The following SMARCAD1 variants were observed in gnomAD, a reference collection of about 807,000 sequenced individuals.
SMARCAD1 encodes the protein SWI/SNF-related matrix-associated actin-dependent regulator of chromatin subfamily A containing DEAD/H box 1.
A neutral mutation model predicts 127.1 loss-of-function variants in SMARCAD1; 25 were observed. That is an observed-to-expected ratio of 0.20 (90% CI 0.14 to 0.27). The LOEUF (loss-of-function observed/expected upper bound fraction) is 0.27. Ranked by LOEUF, SMARCAD1 falls within the 10% of genes least tolerant of loss-of-function variation. The pLI, the probability that SMARCAD1 is intolerant of heterozygous loss-of-function variation, is 1.00. For missense variants in SMARCAD1, 807 were observed against 1,206.0 expected, an observed-to-expected ratio of 0.67 and a Z score of 4.90; for synonymous variants, 400 against 396.9, an observed-to-expected ratio of 1.01 and a Z score of -0.09.
At chr4:94,232,745 G>A (rs889133322) in intron 3 of SMARCAD1, among the ~76,000 whole-genome samples, 2 of 152,168 alleles carry the variant, frequency 1.3e-5, no homozygotes, top group African/African-American at 4.8e-5. Context: ...TTGAGCCTAG[G>A]AGTTCAAGAC....
chr4:94,278,703 A>G lies in SMARCAD1; in HGVS notation c.2266A>G (p.Asn756Asp), dbSNP rs1001956167. The change falls in exon 18 of 24, where the codon AAC (asparagine) becomes GAC (aspartate). Residue 756 changes from asparagine to aspartate, a missense_variant. Physicochemically the swap from Asn to Asp is conservative, Grantham distance 23. Around this residue, in one of 8 missense-constraint regions of SMARCAD1, gnomAD observed 99 missense variants for 126.0 expected, o/e 0.79. Coordinates refer to ENST00000354268, the MANE Select transcript of SMARCAD1 (RefSeq NM_020159.5). ...GGAGCAACTCTATTTGGGTCTTTTC[A>G]ACAGATTGAAAAAATCTATCAATAA... is the stretch of plus-strand genomic sequence containing the variant. ...KQEQLYLGLF[N>D]RLKKSINNLE... is the part of the protein sequence containing the mutation. The G allele has an allele frequency of 1.2e-6, 2 of 1,614,074 alleles. No homozygotes were observed. Among genetic ancestry groups the G allele is most frequent in the Non-Finnish European group, 1.7e-6 (2 of 1,179,980 alleles).
At chr4:94,249,215 CAA>C (rs1748909232) in intron 6 of SMARCAD1, among the ~76,000 whole-genome samples, 1 of 151,964 alleles carries the variant, frequency 6.6e-6, no homozygotes, top group African/African-American at 2.4e-5. Flanking sequence ...TTCTGTGAAT[CAA>C]GAGTGAAGTA....
At chr4:94,279,479 G>A (rs1394023937) in intron 19 of SMARCAD1, among the ~76,000 whole-genome samples, 2 of 152,094 alleles carry the variant, frequency 1.3e-5, no homozygotes, top group African/African-American at 2.4e-5. Flanking sequence ...AATGATCTGG[G>A]GGACATAAAA....
Position 94,249,696 on chromosome 4 carries a change from G to A in SMARCAD1, c.748G>A (p.Glu250Lys), listed in dbSNP as rs748335254. The change falls in exon 7 of 24, where the codon GAA (glutamate) becomes AAA (lysine). Residue 250 changes from glutamate (E) to lysine (K), a missense_variant. Physicochemically the swap from Glu to Lys is moderately conservative, Grantham distance 56. Coordinates refer to ENST00000354268, the MANE Select transcript of SMARCAD1 (RefSeq NM_020159.5). ...NESAESSSNW[E>K]KQESIVLKLQ... ...GTCTGCAGAATCTAGCAGTAATTGGGAAAAGCAGGAAAGTATTGTACTGAA... is the reference window on the plus strand; with the variant it reads ...GTCTGCAGAATCTAGCAGTAATTGGAAAAAGCAGGAAAGTATTGTACTGAA... 1.1e-5 allele frequency: 18 copies of A among 1,610,050 alleles called. No individual in the cohort carries two copies. The highest frequency in any genetic ancestry group is 3.3e-4 in the Middle Eastern group (2 of 6,048).
At chr4:94,261,037 T>C (rs537016121) in intron 9 of SMARCAD1, among the ~76,000 whole-genome samples, 3 of 152,260 alleles carry the variant, frequency 2.0e-5, no homozygotes, top group Admixed American at 6.5e-5. Context: ...GCAGAAAATA[T>C]GATAATGACA....
At position 94,273,633 on chromosome 4, in the gene SMARCAD1, T is replaced by C; in HGVS notation, c.1589T>C (p.Ile530Thr). Reference sequence around the variant, plus strand: ...ACTTTTTAGGGCCTAGGAAAAACTATTCAAGCCATTGCATTTCTGGCATAC... The same window carrying C: ...ACTTTTTAGGGCCTAGGAAAAACTACTCAAGCCATTGCATTTCTGGCATAC... ...LADEMGLGKT[I>T]QAIAFLAYLY... The change falls in exon 12 of 24, where the codon ATT becomes ACT. Residue 530 changes from isoleucine to threonine, a missense_variant. Ile to Thr is a moderately conservative substitution (Grantham distance 89, BLOSUM62 -1). Coordinates refer to ENST00000354268, the MANE Select transcript of SMARCAD1 (RefSeq NM_020159.5). 2 of 1,613,728 alleles carry C rather than the reference T, an allele frequency of 1.2e-6. No homozygotes were observed. Among genetic ancestry groups the C allele is most frequent in the Non-Finnish European group, 1.7e-6 (2 of 1,179,776 alleles).
chr4:94,284,868 A>G (rs975421581), intron 22 of SMARCAD1, 92 bp from the exon 23 acceptor site: 34 of 810,606 alleles, frequency 4.2e-5, no homozygotes, highest in Non-Finnish European at 6.1e-5. Context: ...CGTAATTTTC[A>G]AAGTATTCTT....
At chr4:94,212,049 C>T (rs1018229247) in intron 2 of SMARCAD1, among the ~76,000 whole-genome samples, 13 of 152,262 alleles carry the variant, frequency 8.5e-5, no homozygotes, top group African/African-American at 2.9e-4. Context: ...CTGTTGTGTT[C>T]ACCTATTTAT....
intron 20 of SMARCAD1, 111 bp from the exon 21 acceptor site, chr4:94,281,360 CT>C (rs951696675): frequency 1.2e-6 from 1 of 800,294 alleles, no homozygotes; most frequent in African/African-American, 1.7e-5. Context: ...AGAGAATTTT[CT>C]GCAAATTTAT....
In SMARCAD1 at chr4:94,252,854, T is replaced by C; in HGVS notation, c.1128T>C (p.Ser376=). 1 of 1,614,120 alleles carries C rather than the reference T, an allele frequency of 6.2e-7. No homozygotes were observed. The highest frequency in any genetic ancestry group is 8.5e-7 in the Non-Finnish European group (1 of 1,180,000). ...GTTCACTAGATGAGGACTATAGTAG[T>C]GGTGAAGAAGTGATGGAGGATGGCT... ...VGSSLDEDYS[S]GEEVMEDGYK... Residue 376 remains serine, a synonymous_variant, in exon 9 of 24, where the codon AGT becomes AGC. Coordinates refer to ENST00000354268, the MANE Select transcript of SMARCAD1 (RefSeq NM_020159.5).
At position 94,228,634 on chromosome 4, in the gene SMARCAD1, G is replaced by GA. The variant is rs113881690; in HGVS notation, c.368+2350dup. 1.6e-3 allele frequency among the ~76,000 whole-genome samples: 226 copies of GA among 140,514 alleles called. 1 individual carries two copies. Among genetic ancestry groups the GA allele is most frequent in the Middle Eastern group, 7.1e-3 (2 of 282 alleles). 92.2% of individuals were successfully genotyped at this position (140,514 alleles called of 152,430 possible). On this transcript the variant is annotated intron_variant, in intron 3 of 23. Transcript: ENST00000354268. ...TCCTTCACCAAGAATATCTTGCAGT[G>GA]AAAAAAAAAAAACAGCTGAACTAAG...
intron 4 of SMARCAD1, among the ~76,000 whole-genome samples, chr4:94,235,082 G>A (rs1327447100): frequency 1.3e-5 from 2 of 151,978 alleles, no homozygotes; most frequent in Non-Finnish European, 2.9e-5. Flanking sequence ...ATATTCCTAT[G>A]CCTAAAATCA....
At chr4:94,243,741 C>G (rs1384135707) in intron 6 of SMARCAD1, among the ~76,000 whole-genome samples, 1 of 152,188 alleles carries the variant, frequency 6.6e-6, no homozygotes, top group Non-Finnish European at 1.5e-5. Flanking sequence ...ACACACGTTT[C>G]CAGTATCCAC....
intron 6 of SMARCAD1, among the ~76,000 whole-genome samples, chr4:94,243,041 C>T (rs2125889797): frequency 6.6e-6 from 1 of 152,278 alleles, no homozygotes; most frequent in African/African-American, 2.4e-5. Context: ...TCACTGAAAC[C>T]TCTGCCTCCC....
At chr4:94,260,966 T>G (rs1298024698) in intron 9 of SMARCAD1, among the ~76,000 whole-genome samples, 4 of 152,218 alleles carry the variant, frequency 2.6e-5, no homozygotes, top group Non-Finnish European at 5.9e-5. Context: ...GCTGTAATTT[T>G]TTTTATATTA....
rs139368008 is a variant in SMARCAD1, at chr4:94,273,809, G to A, written c.1672+93G>A. On this transcript the variant is annotated intron_variant, in intron 12 of 23. Transcript: ENST00000354268. The stretch of plus-strand genomic sequence containing the variant: ...TAAGGGTGTGTGTCGGAGGGGTGTT[G>A]TGGTTTCTTAGTTTGTAGAGATGAA... 18 of 980,662 alleles carry A rather than the reference G, an allele frequency of 1.8e-5. No homozygotes were observed. In the African/African-American group the frequency reaches 2.8e-4, roughly 15 times the overall value. The allele number at this position is 980,662 out of a possible 1,614,324, so 60.7% of individuals were successfully genotyped here. A position where few individuals can be genotyped will look rare whatever the true frequency, so the allele number is the denominator to read the frequency against.
At position 94,287,880 on chromosome 4, in the gene SMARCAD1, G is replaced by A. The variant is rs184769877; in HGVS notation, c.3020-1593G>A. On this transcript the variant is annotated intron_variant, in intron 23 of 23. Coordinates refer to ENST00000354268, the MANE Select transcript of SMARCAD1 (RefSeq NM_020159.5). ...ACAAAAATGAAAGCAGTGGCTGGGC[G>A]TGTGGTTCATGCTTATAATGCCAGC... Among the ~76,000 whole-genome samples the A allele has an allele frequency of 3.4e-4, 52 of 152,120 alleles. No individual in the cohort carries two copies. In the Middle Eastern group the frequency reaches 0.014, roughly 40 times the overall value.
In SMARCAD1 at chr4:94,250,820, T is replaced by C. The variant is rs373944812; in HGVS notation, c.876T>C (p.Phe292=). 3.1e-6 allele frequency: 5 copies of C among 1,611,660 alleles called. No homozygotes were observed. The African/African-American group carries it at 5.3e-5, about 17-fold the overall frequency. ...YTEALESLKV[F]AEDQDMQYVS... The stretch of plus-strand genomic sequence containing the variant: ...AAGCTTTAGAATCTCTAAAAGTGTT[T>C]GCAGAAGACCAAGGTAATTATTCTG... The change falls in exon 8 of 24, where the codon TTT becomes TTC. Residue 292 remains phenylalanine, a synonymous_variant. Coordinates refer to ENST00000354268, the MANE Select transcript of SMARCAD1 (RefSeq NM_020159.5).
chr4:94,249,813 T>G, intron 7 of SMARCAD1, 58 bp downstream of exon 7: 1 of 998,600 alleles, frequency 1.0e-6, no homozygotes, highest in Non-Finnish European at 1.6e-6. Context: ...TATTATAAAA[T>G]AGTGTTAAGA....
Sources: gnomAD v4.1 joint callset for allele counts (sites outside exome capture counted in the v4.1 genomes callset) on GRCh38, gnomAD v4.1.1 for gene constraint, gnomAD v4.1.1 regional missense constraint, MANE v1.5 for transcripts, NCBI Gene and HGNC (gene_info 2026-07-23, HGNC 2026-07-21) for gene names.